Variants in CEMIP observed in about 807,000 individuals in gnomAD.
The protein encoded by CEMIP is cell migration-inducing and hyaluronan-binding protein.
CEMIP carries 105 observed loss-of-function variants against 156.9 expected under a neutral mutation model. The ratio of observed to expected loss-of-function variants is 0.67; its 90% CI spans 0.57 to 0.79. The LOEUF (loss-of-function observed/expected upper bound fraction) is 0.79, where lower values mean the gene tolerates loss of function less well. Ranked by LOEUF, CEMIP falls within the 30% of genes least tolerant of loss-of-function variation. The probability of loss-of-function intolerance (pLI) is 0.00; values close to 1 mark genes in which losing one functional copy is unlikely to be tolerated. For synonymous variants in CEMIP, 676 were observed against 668.4 expected (o/e 1.01, Z -0.17); for missense variants, 1,457 against 1,769.4 (o/e 0.82, Z 3.17).
At chr15:80,904,245 G>T (rs1478194058) in intron 12 of CEMIP, among the ~76,000 whole-genome samples, 2 of 152,186 alleles carry the variant, frequency 1.3e-5, no homozygotes, top group Admixed American at 1.3e-4. Flanking sequence ...AGGATTCTGT[G>T]CTGGGTGTGG....
At chr15:80,831,436 G>A (rs541452557) in intron 1 of CEMIP, among the ~76,000 whole-genome samples, 1 of 152,302 alleles carries the variant, frequency 6.6e-6, no homozygotes, top group East Asian at 1.9e-4. Context: ...GCTGATTCCA[G>A]TTTCACAGTG....
intron 1 of CEMIP, among the ~76,000 whole-genome samples, chr15:80,846,458 T>C: frequency 6.6e-6 from 1 of 152,108 alleles, no homozygotes; most frequent in Non-Finnish European, 1.5e-5. Flanking sequence ...CTAATCATCG[T>C]TGTAGGTCAG....
chr15:80,873,954 C>T lies in CEMIP; in HGVS notation c.75C>T (p.Phe25=). 6.4e-7 allele frequency: 1 copy of T among 1,572,206 alleles called. No homozygotes were observed. Residue 25 remains phenylalanine, a synonymous_variant, in exon 3 of 30, where the codon TTC becomes TTT. Coordinates refer to ENST00000394685, the MANE Select transcript of CEMIP (RefSeq NM_001293298.2). ...TCAGCTGGCTCACTCTGACCTGCTT[C>T]CCTGGGGCCACATCCACAGGTGAGC... ...LTISWLTLTC[F]PGATSTVAAG...
intron 1 of CEMIP, among the ~76,000 whole-genome samples, chr15:80,781,252 G>C (rs867980860): frequency 6.6e-6 from 1 of 152,182 alleles, no homozygotes; most frequent in Non-Finnish European, 1.5e-5. Flanking sequence ...TTAGTTTTAC[G>C]ATTAATGATA....
chr15:80,926,824 G>T (rs562486751), intron 19 of CEMIP, among the ~76,000 whole-genome samples: 3 of 128,034 alleles, frequency 2.3e-5, no homozygotes, highest in Admixed American at 7.5e-5. Context: ...GCGGGTGGGG[G>T]GGGGGGGTCT....
At chr15:80,816,369 T>C (rs912972806) in intron 1 of CEMIP, among the ~76,000 whole-genome samples, 2 of 152,164 alleles carry the variant, frequency 1.3e-5, no homozygotes, top group African/African-American at 4.8e-5. Context: ...AGGAAAGTTG[T>C]CTGTCTGGAT....
rs534920623 is a variant in CEMIP at position 80,858,586 on chromosome 15, G to A, written c.-175-14952G>A. On this transcript the variant is annotated intron_variant, in intron 1 of 29. Transcript: ENST00000394685. ...AAAAAAAATACAAAATTAGCTGGGT[G>A]TGGTGGCACATGCCTGTAATACCAG... is the stretch of plus-strand genomic sequence containing the variant. Among the ~76,000 whole-genome samples the A allele has an allele frequency of 8.9e-4, 135 of 151,648 alleles. 1 individual carries two copies. The South Asian group carries it at 0.015, about 17-fold the overall frequency.
In CEMIP at chr15:80,950,576, C is replaced by T. The variant is rs1012319129; in HGVS notation, c.*1652C>T. On this transcript the variant is annotated 3_prime_UTR_variant, in exon 30 of 30. Coordinates refer to ENST00000394685, the MANE Select transcript of CEMIP (RefSeq NM_001293298.2). The stretch of plus-strand genomic sequence containing the variant: ...GCAACTCCCCATTGGTGCTACCTGG[C>T]TCTCCTGTCTCTGCAGCTCTACAGG... The T allele has an allele frequency of 3.3e-5, 5 of 152,318 alleles. No homozygotes were observed. Among genetic ancestry groups the T allele is most frequent in the African/African-American group, 9.6e-5 (4 of 41,468 alleles). 9.4% of individuals were successfully genotyped at this position (152,318 alleles called of 1,614,324 possible).
intron 12 of CEMIP, among the ~76,000 whole-genome samples, chr15:80,900,668 G>GTGTT (rs1899485191): frequency 6.8e-6 from 1 of 146,582 alleles, no homozygotes; most frequent in African/African-American, 2.6e-5. Flanking sequence ...GTGTCTGTGT[G>GTGTT]TGTGTGTGTA....
At chr15:80,867,264 G>A (rs1898155227) in intron 1 of CEMIP, among the ~76,000 whole-genome samples, 1 of 152,172 alleles carries the variant, frequency 6.6e-6, no homozygotes, top group African/African-American at 2.4e-5. Flanking sequence ...ATAGGCATAA[G>A]AAAGTGCACG....
chr15:80,908,919 C>A (rs916046359), intron 13 of CEMIP, among the ~76,000 whole-genome samples, 178 bp from the exon 14 acceptor site: 3 of 152,212 alleles, frequency 2.0e-5, no homozygotes, highest in South Asian at 2.1e-4. Flanking sequence ...GCCTGTCTTC[C>A]ACAGTATAAG....
At chr15:80,944,646 T>G (rs1402347105) in intron 28 of CEMIP, among the ~76,000 whole-genome samples, 1 of 152,152 alleles carries the variant, frequency 6.6e-6, no homozygotes, top group Non-Finnish European at 1.5e-5. Flanking sequence ...CCACATTTAC[T>G]CCCTCCCTCA....
intron 1 of CEMIP, among the ~76,000 whole-genome samples, chr15:80,855,283 C>G (rs1192480362): frequency 6.6e-6 from 1 of 152,152 alleles, no homozygotes; most frequent in Non-Finnish European, 1.5e-5. Flanking sequence ...TTCCTCAAAA[C>G]TGCTGTTTGA....
chr15:80,875,085 G>A (rs1898431084), intron 3 of CEMIP, among the ~76,000 whole-genome samples: 1 of 135,198 alleles, frequency 7.4e-6, no homozygotes, highest in Admixed American at 8.3e-5. Flanking sequence ...CTAAGCTGGA[G>A]TGCAGTGATA....
intron 1 of CEMIP, among the ~76,000 whole-genome samples, chr15:80,852,082 T>C (rs1167729960): frequency 1.3e-5 from 2 of 152,184 alleles, no homozygotes; most frequent in Non-Finnish European, 2.9e-5. Context: ...AGGCAAACTT[T>C]GCAGGGCAGG....
intron 1 of CEMIP, among the ~76,000 whole-genome samples, chr15:80,829,999 TGTGCGC>T (rs1483575315): frequency 3.4e-5 from 5 of 148,898 alleles, no homozygotes; most frequent in African/African-American, 1.3e-4. Flanking sequence ...TGTGTGTGTG[TGTGCGC>T]GCATGTCCTT....
Position 80,878,724 on chromosome 15 carries a change from C to T in CEMIP, c.98C>T (p.Ala33Val), listed in dbSNP as rs150204715. ...GACATCTCTCTGTCCTTGGCAGTGG[C>T]TGCTGGGTGCCCTGACCAGAGCCCT... ...TCFPGATSTV[A>V]AGCPDQSPEL... Residue 33 changes from alanine (A) to valine (V), a missense_variant, in exon 4 of 30, where the codon GCT (alanine) becomes GTT (valine). By Grantham distance (64) the Ala-to-Val change is moderately conservative. Around this residue, in one of 5 missense-constraint regions of CEMIP, gnomAD observed 309 missense variants for 340.8 expected, o/e 0.91. Transcript: ENST00000394685. The T allele has an allele frequency of 5.6e-5, 90 of 1,614,156 alleles. No homozygotes were observed. The African/African-American group carries it at 1.0e-3, about 18-fold the overall frequency.
chr15:80,917,483 T>G (rs1255901706), intron 14 of CEMIP, among the ~76,000 whole-genome samples: 1 of 152,222 alleles, frequency 6.6e-6, no homozygotes, highest in African/African-American at 2.4e-5. Context: ...TCCTTGCCTT[T>G]TTCTCCCATG....
At chr15:80,813,350 A>AT (rs34253400) in intron 1 of CEMIP, among the ~76,000 whole-genome samples, 12,729 of 129,404 alleles carry the variant, frequency 0.098, 650 homozygotes, top group South Asian at 0.13. Flanking sequence ...AGCAGTACGG[A>AT]TTTTTTTTTT....
Sources: gnomAD v4.1 joint callset for allele counts (sites outside exome capture counted in the v4.1 genomes callset) on GRCh38, gnomAD v4.1.1 for gene constraint, gnomAD v4.1.1 regional missense constraint, MANE v1.5 for transcripts, NCBI Gene and HGNC (gene_info 2026-07-23, HGNC 2026-07-21) for gene names.